TBC1D16: variants seen among roughly 807,000 people sequenced by gnomAD.
The protein encoded by TBC1D16 is TBC1 domain family member 16.
In TBC1D16, 58 loss-of-function variants were observed where a neutral mutation model predicts 74.7. The observed-to-expected ratio is 0.78, with a 90% CI of 0.63 to 0.97. The LOEUF (loss-of-function observed/expected upper bound fraction) is 0.97. Ranked by LOEUF, TBC1D16 falls within the 50% of genes least tolerant of loss-of-function variation. The probability of loss-of-function intolerance (pLI) is 0.00; values close to 1 mark genes in which losing one functional copy is unlikely to be tolerated. For missense variants in TBC1D16, 1,014 were observed against 1,079.5 expected (o/e 0.94, Z 0.85); for synonymous variants, 493 against 474.7 (o/e 1.04, Z -0.50).
Position 80,010,025 on chromosome 17 carries a change from G to A in TBC1D16, c.779+135C>T, listed in dbSNP as rs902981862. ...AGGGAGGGGCTCCTGCCACAGCCAC[G>A]GCCACAGCCGCGGGCAGGTCGGGCA... On this transcript the variant is annotated intron_variant, in intron 3 of 11. Coordinates refer to ENST00000310924, the MANE Select transcript of TBC1D16 (RefSeq NM_019020.4). The surrounding 1 kb of genome is among the most constrained non-coding windows in gnomAD (Gnocchi z 8.8). The A allele has an allele frequency of 1.1e-5, 8 of 756,840 alleles. No homozygotes were observed. The highest frequency in any genetic ancestry group is 5.4e-5 in the East Asian group (2 of 36,792). The allele number at this position is 756,840 out of a possible 1,614,324, so 46.9% of individuals were successfully genotyped here.
intron 1 of TBC1D16, among the ~76,000 whole-genome samples, chr17:80,034,437 G>T (rs1298478279): frequency 6.6e-6 from 1 of 152,076 alleles, no homozygotes; most frequent in Non-Finnish European, 1.5e-5. Context: ...CCTGACCTCA[G>T]GTGATCCGCT....
chr17:79,988,012 TA>T lies in TBC1D16; in HGVS notation c.779+22147del, dbSNP rs954315348. Among the ~76,000 whole-genome samples, 75 of 150,302 alleles carry T rather than the reference TA, an allele frequency of 5.0e-4. No homozygotes were observed. The highest frequency in any genetic ancestry group is 3.5e-3 in the Middle Eastern group (1 of 284). On this transcript the variant is annotated intron_variant, in intron 3 of 11. Coordinates refer to ENST00000310924, the MANE Select transcript of TBC1D16 (RefSeq NM_019020.4). The surrounding 1 kb of genome is among the most constrained non-coding windows in gnomAD (Gnocchi z 5.7). The stretch of plus-strand genomic sequence containing the variant: ...TTGCCCAGCAATTCTGAATGTGGTT[TA>T]AAAAAAAAATTAGGTGGGGGAGAAT...
chr17:79,982,128 TTTTC>T (rs1490424049), intron 3 of TBC1D16, among the ~76,000 whole-genome samples: 1 of 150,438 alleles, frequency 6.6e-6, no homozygotes, highest in African/African-American at 2.4e-5. Context: ...CCATTGTCGT[TTTTC>T]TTTGTGTGGT....
Position 79,950,963 on chromosome 17 carries a change from T to G in TBC1D16, c.1090-385A>C. ...GTTCTGCGAGCAGGGAGCCAGCCTG[T>G]CAGATTGCCTCCGCGAGCAGTCACG... On this transcript the variant is annotated intron_variant, in intron 5 of 11. Transcript: ENST00000310924. This position sits in a 1 kb window ranked among gnomAD's most constrained non-coding sequence, Gnocchi z 4.6. The G allele has an allele frequency of 1.0e-6, 1 of 995,110 alleles. No individual in the cohort carries two copies. The highest frequency in any genetic ancestry group is 3.1e-5 in the Admixed American group (1 of 32,300). The allele number at this position is 995,110 out of a possible 1,614,324, so 61.6% of individuals were successfully genotyped here. A position where few individuals can be genotyped will look rare whatever the true frequency, so the allele number is the denominator to read the frequency against.
intron 3 of TBC1D16, among the ~76,000 whole-genome samples, chr17:79,965,592 G>A (rs370931078): frequency 6.6e-6 from 1 of 152,254 alleles, no homozygotes; most frequent in South Asian, 2.1e-4. Context: ...CCATTTTATA[G>A]CTAAGGAGAC....
rs1395756545 is a variant in TBC1D16 at position 79,948,923 on chromosome 17, C to T, written c.1490G>A (p.Arg497Gln). Residue 497 changes from arginine (R) to glutamine (Q), a missense_variant, in exon 8 of 12, where the codon CGG (arginine) becomes CAG (glutamine). Physicochemically the swap from Arg to Gln is conservative, Grantham distance 43 (BLOSUM62 1). Transcript: ENST00000310924. ...TVDKDVVRTD[R>Q]NNQFFRGEDN... ...TTCCCCCCGGAAGAACTGGTTGTTC[C>T]GATCTGTCCGGACCACGTCTTTGTC... 2.5e-6 allele frequency: 4 copies of T among 1,614,020 alleles called. No individual in the cohort carries two copies. In the African/African-American group the frequency reaches 4.0e-5, roughly 16 times the overall value.
At chr17:79,972,116 A>G (rs1462956788) in intron 3 of TBC1D16, among the ~76,000 whole-genome samples, 2 of 152,188 alleles carry the variant, frequency 1.3e-5, no homozygotes, top group Non-Finnish European at 2.9e-5. Flanking sequence ...TGAATGGAGA[A>G]AGAAAGTGTT....
At position 79,941,841 on chromosome 17, in the gene TBC1D16, G is replaced by A. The variant is rs1374410887; in HGVS notation, c.2055+219C>T. Among the ~76,000 whole-genome samples the A allele has an allele frequency of 6.6e-6, 1 of 151,672 alleles. No individual in the cohort carries two copies. Among genetic ancestry groups the A allele is most frequent in the Non-Finnish European group, 1.5e-5 (1 of 68,008 alleles). On this transcript the variant is annotated intron_variant, in intron 11 of 11. Coordinates refer to ENST00000310924, the MANE Select transcript of TBC1D16 (RefSeq NM_019020.4). The surrounding 1 kb of genome is among the most constrained non-coding windows in gnomAD (Gnocchi z 4.3). ...AGGGCTGGCACCCCAGGAAAGTGAG[G>A]TGACACAGCCAGGCCGAGACAGGTG...
At position 79,959,431 on chromosome 17, in the gene TBC1D16, C is replaced by G. The variant is rs143970708; in HGVS notation, c.780-6613G>C. Among the ~76,000 whole-genome samples the G allele has an allele frequency of 6.0e-3, 918 of 152,170 alleles. 4 individuals are homozygous for G. Among genetic ancestry groups the G allele is most frequent in the Non-Finnish European group, 7.6e-3 (519 of 68,004 alleles). On this transcript the variant is annotated intron_variant, in intron 3 of 11. Coordinates refer to ENST00000310924, the MANE Select transcript of TBC1D16 (RefSeq NM_019020.4). ...TTTGGAGCTAGTATAACCAGAGCGA[C>G]TATAAAAAAGAAGAACAAAGTTGGA...
chr17:79,994,104 C>G lies in TBC1D16; in HGVS notation c.779+16056G>C, dbSNP rs1006008665. Among the ~76,000 whole-genome samples, 2 of 152,138 alleles carry G rather than the reference C, an allele frequency of 1.3e-5. No homozygotes were observed. Among genetic ancestry groups the G allele is most frequent in the South Asian group, 4.2e-4 (2 of 4,818 alleles). On this transcript the variant is annotated intron_variant, in intron 3 of 11. Transcript: ENST00000310924. This position sits in a 1 kb window ranked among gnomAD's most constrained non-coding sequence, Gnocchi z 4.6. ...TTGAGGCACTTATTTCCTCCCTGTCCTGACAGTTTTACTAGAAAGGTCAGC... is the reference window on the plus strand; with the variant it reads ...TTGAGGCACTTATTTCCTCCCTGTCGTGACAGTTTTACTAGAAAGGTCAGC...
At chr17:79,997,853 G>A (rs568675858) in intron 3 of TBC1D16, among the ~76,000 whole-genome samples, 61 of 152,290 alleles carry the variant, frequency 4.0e-4, no homozygotes, top group African/African-American at 1.3e-3. Context: ...AGCCGGGCGC[G>A]GTGGCTCACG....
At chr17:80,006,213 T>C (rs1173457695) in intron 3 of TBC1D16, among the ~76,000 whole-genome samples, 1 of 149,876 alleles carries the variant, frequency 6.7e-6, no homozygotes, top group African/African-American at 2.4e-5. Context: ...TCTCGCTCTC[T>C]TTCTCTCTTT....
Position 79,944,991 on chromosome 17 carries a change from G to A in TBC1D16, c.1825C>T (p.Arg609Cys), listed in dbSNP as rs760829629. ...CGCTTGAAGCACAGAAGGAGCCAGC[G>A]GTGGCAGAAGAGCATCTGCAGGCCG... ...EDGLQMLFCH[R>C]WLLLCFKREF... is the part of the protein sequence containing the mutation. The change falls in exon 10 of 12, where the codon CGC becomes TGC. Residue 609 changes from arginine (R) to cysteine (C), a missense_variant. Arg to Cys is a radical substitution (Grantham distance 180). Coordinates refer to ENST00000310924, the MANE Select transcript of TBC1D16 (RefSeq NM_019020.4). The surrounding 1 kb of genome is among the most constrained non-coding windows in gnomAD (Gnocchi z 7.7). The A allele has an allele frequency of 1.2e-5, 19 of 1,570,732 alleles. No homozygotes were observed. Among genetic ancestry groups the A allele is most frequent in the South Asian group, 1.2e-4 (10 of 85,422 alleles).
At chr17:80,003,383 C>T (rs905301062) in intron 3 of TBC1D16, among the ~76,000 whole-genome samples, 5 of 152,160 alleles carry the variant, frequency 3.3e-5, no homozygotes, top group African/African-American at 1.2e-4. Context: ...AGAGAGAGAA[C>T]GAAACACTCA....
In TBC1D16 at chr17:80,010,468, C is replaced by A. The variant is rs975617477; in HGVS notation, c.471G>T (p.Ala157=). Residue 157 remains alanine (A), a synonymous_variant, in exon 3 of 12, where the codon GCG becomes GCT. Coordinates refer to ENST00000310924, the MANE Select transcript of TBC1D16 (RefSeq NM_019020.4). This position sits in a 1 kb window ranked among gnomAD's most constrained non-coding sequence, Gnocchi z 8.8. ...GCGCCAGCTTCTCCTCATCCTCTGG[C>A]GCAGGGCTGGCGAGCATGCGGTCTG... ...SVPDRMLASP[A]PEDEEKLAQG... The A allele has an allele frequency of 6.2e-7, 1 of 1,609,842 alleles. No individual in the cohort carries two copies. Among genetic ancestry groups the A allele is most frequent in the African/African-American group, 1.3e-5 (1 of 74,872 alleles).
intron 1 of TBC1D16, among the ~76,000 whole-genome samples, chr17:80,030,613 C>A (rs2036742117): frequency 6.6e-6 from 1 of 152,250 alleles, no homozygotes; most frequent in African/African-American, 2.4e-5. Context: ...CTCTTGCTCA[C>A]TCTGTGCCGT....
intron 3 of TBC1D16, among the ~76,000 whole-genome samples, chr17:79,992,558 T>A (rs1289778172): frequency 6.6e-6 from 1 of 152,234 alleles, no homozygotes; most frequent in Admixed American, 6.5e-5. Context: ...CAGATCCTGA[T>A]GCCTTTACAA....
At position 79,944,795 on chromosome 17, in the gene TBC1D16, G is replaced by A. The variant is rs186568320; in HGVS notation, c.1908+113C>T. On this transcript the variant is annotated intron_variant, in intron 10 of 11. Coordinates refer to ENST00000310924, the MANE Select transcript of TBC1D16 (RefSeq NM_019020.4). The surrounding 1 kb of genome is among the most constrained non-coding windows in gnomAD (Gnocchi z 7.7). Reference sequence around the variant, plus strand: ...GGCAGTCGCCGTATGGGGGGCTAATGTGTGGCTGTGGGTGGGGGGCGGCGA... The same window carrying A: ...GGCAGTCGCCGTATGGGGGGCTAATATGTGGCTGTGGGTGGGGGGCGGCGA... 1 of 1,000,740 alleles carries A rather than the reference G, an allele frequency of 1.0e-6. No individual in the cohort carries two copies. Among genetic ancestry groups the A allele is most frequent in the East Asian group, 2.7e-5 (1 of 37,378 alleles). 62.0% of individuals were successfully genotyped at this position (1,000,740 alleles called of 1,614,324 possible). A position where few individuals can be genotyped will look rare whatever the true frequency, so the allele number is the denominator to read the frequency against.
intron 1 of TBC1D16, among the ~76,000 whole-genome samples, chr17:80,033,450 G>T (rs1391048968): frequency 6.6e-6 from 1 of 151,788 alleles, no homozygotes; most frequent in Non-Finnish European, 1.5e-5. Flanking sequence ...ATGGCTCACT[G>T]CAGCCCTGAC....
Sources: gnomAD v4.1 joint callset for allele counts (sites outside exome capture counted in the v4.1 genomes callset) on GRCh38, gnomAD v4.1.1 for gene constraint, Gnocchi (gnomAD v3.1) non-coding constraint, MANE v1.5 for transcripts, NCBI Gene and HGNC (gene_info 2026-07-23, HGNC 2026-07-21) for gene names.